The following EHBP1 variants were observed in gnomAD, a reference collection of about 807,000 sequenced individuals.
The protein encoded by EHBP1 is EH domain binding protein 1.
In EHBP1, 55 loss-of-function variants were observed where a neutral mutation model predicts 144.0. The ratio of observed to expected loss-of-function variants is 0.38; its 90% CI spans 0.31 to 0.48. The LOEUF is 0.48. Among genes scored for constraint, EHBP1 ranks in the 20% least tolerant of loss-of-function variants. The pLI, the probability that EHBP1 is intolerant of heterozygous loss-of-function variation, is 0.98. For missense variants in EHBP1, 1,200 were observed against 1,364.2 expected (o/e 0.88, Z 1.90); for synonymous variants, 469 against 472.7 (o/e 0.99, Z 0.10).
chr2:62,953,871 C>T (rs914546220), intron 13 of EHBP1, among the ~76,000 whole-genome samples: 1 of 151,952 alleles, frequency 6.6e-6, no homozygotes, highest in East Asian at 1.9e-4. Context: ...TTTTCACTGT[C>T]CATGTAGCTG....
intron 10 of EHBP1, among the ~76,000 whole-genome samples, chr2:62,875,014 C>T (rs760978339): frequency 8.3e-4 from 126 of 152,220 alleles, no homozygotes; most frequent in Non-Finnish European, 1.5e-3. Context: ...ATGTGTGCAC[C>T]CTGCCACCCC....
rs148545360 is a variant in EHBP1 at position 62,873,065 on chromosome 2, C to G, written c.999-1281C>G. 8.7e-3 allele frequency among the ~76,000 whole-genome samples: 1,322 copies of G among 152,196 alleles called. 11 individuals are homozygous for G. In the Middle Eastern group the frequency reaches 0.11, roughly 12 times the overall value. ...TTAGTCCTAAAGTACTTGGCAAATG[C>G]AAGTGTTAAACGCTCTGAAGAGAGG... On this transcript the variant is annotated intron_variant, in intron 9 of 22. Transcript: ENST00000431489.
intron 5 of EHBP1, among the ~76,000 whole-genome samples, chr2:62,790,589 T>C (rs1314081078): frequency 6.6e-6 from 1 of 152,186 alleles, no homozygotes; most frequent in East Asian, 1.9e-4. Flanking sequence ...ACTTGTTGTG[T>C]TGTAACTTTA....
chr2:62,750,250 C>G (rs1420207548), intron 3 of EHBP1, among the ~76,000 whole-genome samples: 1 of 152,112 alleles, frequency 6.6e-6, no homozygotes, highest in Non-Finnish European at 1.5e-5. Flanking sequence ...AGTCCTTTCC[C>G]CATTTCTTGT....
intron 10 of EHBP1, among the ~76,000 whole-genome samples, chr2:62,930,414 G>C (rs925098956): frequency 2.6e-5 from 4 of 152,122 alleles, no homozygotes; most frequent in Non-Finnish European, 5.9e-5. Flanking sequence ...CCGTGTTCTT[G>C]GCTTAGAAAA....
At chr2:62,901,062 G>A (rs2053373880) in intron 10 of EHBP1, among the ~76,000 whole-genome samples, 2 of 152,066 alleles carry the variant, frequency 1.3e-5, no homozygotes, top group Non-Finnish European at 1.5e-5. Context: ...CCTTTATTAA[G>A]CCATAGGAAC....
At chr2:62,859,431 C>A in intron 8 of EHBP1, 140 bp downstream of exon 8, 1 of 765,470 alleles carries the variant, frequency 1.3e-6, no homozygotes, top group Non-Finnish European at 1.9e-6. Flanking sequence ...TTCAATACCA[C>A]TTGGAGTTGA....
chr2:63,030,779 G>A (rs7603336), intron 19 of EHBP1, among the ~76,000 whole-genome samples: 280 of 134,606 alleles, frequency 2.1e-3, no homozygotes, highest in African/African-American at 7.1e-3. Flanking sequence ...GCATGAACCC[G>A]CACACCCAGC....
Position 62,993,524 on chromosome 2 carries a change from G to A in EHBP1, c.2734-6G>A, listed in dbSNP as rs188275816. 3.2e-4 allele frequency: 505 copies of A among 1,570,444 alleles called. 3 individuals carry two copies. In the African/African-American group the frequency reaches 5.0e-3, roughly 16 times the overall value. ...ACTCTCTTACCATGTGTTGTTTTAC[G>A]TTTAGAGTGGCACAGAAGATCTCCG... On this transcript the variant is annotated splice_region_variant and splice_polypyrimidine_tract_variant and intron_variant, in intron 16 of 22. Transcript: ENST00000431489.
intron 19 of EHBP1, among the ~76,000 whole-genome samples, chr2:63,009,206 A>C (rs1429350035): frequency 6.6e-6 from 1 of 151,706 alleles, no homozygotes; most frequent in African/African-American, 2.4e-5. Context: ...TTTGATTCCC[A>C]AGAGAATACT....
chr2:62,987,858 C>T, intron 15 of EHBP1: 1 of 824,718 alleles, frequency 1.2e-6, no homozygotes. Context: ...ACTGGTTTTT[C>T]TTCTTTAGTG....
chr2:62,835,831 G>C (rs367942188), intron 7 of EHBP1, among the ~76,000 whole-genome samples: 1 of 152,166 alleles, frequency 6.6e-6, no homozygotes, highest in Non-Finnish European at 1.5e-5. Flanking sequence ...CACCTGGCTC[G>C]GAGGGTCCTA....
At chr2:62,954,523 C>G (rs1298162206) in intron 13 of EHBP1, among the ~76,000 whole-genome samples, 1 of 151,892 alleles carries the variant, frequency 6.6e-6, no homozygotes, top group Admixed American at 6.6e-5. Context: ...CTAAAAACCA[C>G]TGAATTGTAC....
chr2:62,953,000 C>T (rs2057468805), intron 13 of EHBP1, among the ~76,000 whole-genome samples: 1 of 151,942 alleles, frequency 6.6e-6, no homozygotes, highest in African/African-American at 2.4e-5. Context: ...GGGTGGATCA[C>T]CTGAGGTCGG....
chr2:62,899,408 T>C (rs2053219411), intron 10 of EHBP1, among the ~76,000 whole-genome samples: 1 of 152,222 alleles, frequency 6.6e-6, no homozygotes, highest in Non-Finnish European at 1.5e-5. Flanking sequence ...ATGTTTAGTA[T>C]CTCCTGTGTT....
chr2:62,757,340 A>G (rs1185141019), intron 3 of EHBP1, among the ~76,000 whole-genome samples: 1 of 151,870 alleles, frequency 6.6e-6, no homozygotes, highest in Non-Finnish European at 1.5e-5. Context: ...CGCAGCTAGC[A>G]GAATATATTC....
intron 9 of EHBP1, among the ~76,000 whole-genome samples, chr2:62,869,578 TC>T (rs2050302859): frequency 1.3e-5 from 2 of 152,132 alleles, no homozygotes; most frequent in Admixed American, 1.3e-4. Flanking sequence ...ATGCAAACAA[TC>T]TATAGTGAGA....
At chr2:62,953,348 C>T (rs368679414) in intron 13 of EHBP1, among the ~76,000 whole-genome samples, 18 of 150,880 alleles carry the variant, frequency 1.2e-4, no homozygotes, top group Middle Eastern at 6.9e-3. Flanking sequence ...AGTTAACTAA[C>T]GTATGATGCA....
chr2:62,777,576 G>A (rs574727105), intron 5 of EHBP1, among the ~76,000 whole-genome samples: 4 of 151,866 alleles, frequency 2.6e-5, no homozygotes, highest in Admixed American at 1.3e-4. Flanking sequence ...ATAACTGGTA[G>A]TTTTTTGTTT....
Sources: gnomAD v4.1 joint callset for allele counts (sites outside exome capture counted in the v4.1 genomes callset) on GRCh38, gnomAD v4.1.1 for gene constraint, MANE v1.5 for transcripts, NCBI Gene and HGNC (gene_info 2026-07-23, HGNC 2026-07-21) for gene names.